The following NEK1 variants were observed in gnomAD, a reference collection of about 807,000 sequenced individuals.
NEK1 encodes the protein serine/threonine-protein kinase Nek1.
In NEK1, 137 loss-of-function variants were observed where a neutral mutation model predicts 182.1. The ratio of observed to expected loss-of-function variants is 0.75; its 90% CI spans 0.65 to 0.87. The LOEUF is 0.87. Among genes scored for constraint, NEK1 ranks in the 40% least tolerant of loss-of-function variants. NEK1 has a pLI of 0.00. For synonymous variants in NEK1, 513 were observed against 492.2 expected (o/e 1.04, Z -0.56); for missense variants, 1,391 against 1,494.4 (o/e 0.93, Z 1.14).
chr4:169,443,858 C>T (rs111429379), intron 27 of NEK1, among the ~76,000 whole-genome samples: 14 of 152,172 alleles, frequency 9.2e-5, no homozygotes, highest in East Asian at 3.9e-4. Flanking sequence ...TAGGAGAAAA[C>T]GGGATGATAT....
intron 23 of NEK1, among the ~76,000 whole-genome samples, chr4:169,499,280 G>A (rs577277788): frequency 5.9e-4 from 89 of 151,144 alleles, no homozygotes; most frequent in African/African-American, 2.1e-3. Context: ...CTCTACACTG[G>A]TTATTCTAGT....
At chr4:169,549,130 G>T (rs923071070) in intron 18 of NEK1, among the ~76,000 whole-genome samples, 2 of 152,222 alleles carry the variant, frequency 1.3e-5, no homozygotes, top group African/African-American at 4.8e-5. Flanking sequence ...TGGTCTGTGG[G>T]TTGTGAAGAC....
At chr4:169,440,963 G>C (rs1739334526) in intron 27 of NEK1, among the ~76,000 whole-genome samples, 1 of 152,128 alleles carries the variant, frequency 6.6e-6, no homozygotes, top group South Asian at 2.1e-4. Context: ...GGCTCAACAG[G>C]CCCTGAATCT....
At chr4:169,566,485 T>C (rs1763699246) in intron 12 of NEK1, among the ~76,000 whole-genome samples, 1 of 152,114 alleles carries the variant, frequency 6.6e-6, no homozygotes, top group Non-Finnish European at 1.5e-5. Context: ...TAACATAATA[T>C]ATTCAAGGAG....
At chr4:169,603,642 C>T (rs1402366620) in intron 2 of NEK1, among the ~76,000 whole-genome samples, 1 of 149,834 alleles carries the variant, frequency 6.7e-6, no homozygotes, top group East Asian at 1.9e-4. Flanking sequence ...AATGGTGTTT[C>T]GTTTTTATTT....
intron 18 of NEK1, among the ~76,000 whole-genome samples, chr4:169,546,094 C>T (rs931706377): frequency 2.0e-5 from 3 of 152,206 alleles, no homozygotes; most frequent in African/African-American, 4.8e-5. Flanking sequence ...AATTGTAGAT[C>T]TTTCCCGCTT....
chr4:169,400,654 A>C lies in NEK1; in HGVS notation c.3584-3T>G. The C allele has an allele frequency of 6.4e-7, 1 of 1,564,432 alleles. No individual in the cohort carries two copies. The highest frequency in any genetic ancestry group is 8.7e-7 in the Non-Finnish European group (1 of 1,154,068). On this transcript the variant is annotated splice_region_variant and splice_polypyrimidine_tract_variant and intron_variant, in intron 33 of 35. Coordinates refer to ENST00000507142, the MANE Select transcript of NEK1 (RefSeq NM_001199397.3). The stretch of plus-strand genomic sequence containing the variant: ...AGCAATTTCACCATCACTGTTATCT[A>C]AAAAACAAAATTAAAATAGAGATTT...
intron 16 of NEK1, 63 bp downstream of exon 16, chr4:169,561,417 A>C: frequency 7.2e-7 from 1 of 1,396,010 alleles, no homozygotes; most frequent in Non-Finnish European, 1.0e-6. Context: ...CATGCATTTT[A>C]TAGAACAAGG....
intron 31 of NEK1, among the ~76,000 whole-genome samples, chr4:169,417,277 A>C (rs1390191678): frequency 6.6e-6 from 1 of 152,260 alleles, no homozygotes; most frequent in Admixed American, 6.5e-5. Flanking sequence ...TTTTGAGGTC[A>C]GACAGAGAGG....
At chr4:169,413,549 A>G (rs1458167848) in intron 31 of NEK1, among the ~76,000 whole-genome samples, 2 of 152,208 alleles carry the variant, frequency 1.3e-5, no homozygotes, top group Non-Finnish European at 2.9e-5. Context: ...CAGTTATTTT[A>G]TGAATAAATA....
At chr4:169,504,786 A>G (rs2149681675) in intron 23 of NEK1, among the ~76,000 whole-genome samples, 1 of 152,314 alleles carries the variant, frequency 6.6e-6, no homozygotes, top group East Asian at 1.9e-4. Context: ...ATTAGATAAA[A>G]TGAATAAGAT....
At chr4:169,566,149 A>G (rs1292514707) in intron 12 of NEK1, among the ~76,000 whole-genome samples, 1 of 152,206 alleles carries the variant, frequency 6.6e-6, no homozygotes, top group Non-Finnish European at 1.5e-5. Context: ...TAAAAACATT[A>G]ATACAGCAAC....
In NEK1 at chr4:169,529,420, C is replaced by T. The variant is rs1174818410; in HGVS notation, c.1665+8389G>A. ...ATTTTATGTTATGTGTATTTTATTA[C>T]AATAAACGTCTTCTTCCTGGATCAT... On this transcript the variant is annotated intron_variant, in intron 19 of 35. Transcript: ENST00000507142. Among the ~76,000 whole-genome samples, 4 of 151,972 alleles carry T rather than the reference C, an allele frequency of 2.6e-5. No individual in the cohort carries two copies. The East Asian group carries it at 7.7e-4, about 29-fold the overall frequency.
At chr4:169,459,158 T>G (rs1743481479) in intron 27 of NEK1, among the ~76,000 whole-genome samples, 1 of 152,056 alleles carries the variant, frequency 6.6e-6, no homozygotes, top group African/African-American at 2.4e-5. Flanking sequence ...CAAAATATAC[T>G]AAGAATTCTT....
At chr4:169,394,594 T>C in intron 35 of NEK1, 71 bp from the exon 36 acceptor site, 1 of 903,894 alleles carries the variant, frequency 1.1e-6, no homozygotes, top group Non-Finnish European at 1.7e-6. Flanking sequence ...AACCCATTCT[T>C]GTTCATGCTA....
chr4:169,566,965 T>C (rs1243362802), intron 12 of NEK1, among the ~76,000 whole-genome samples: 2 of 151,942 alleles, frequency 1.3e-5, no homozygotes, highest in Non-Finnish European at 2.9e-5. Context: ...TGTGGTAGTA[T>C]GCACATGTAG....
rs77403641 is a variant in NEK1, at chr4:169,566,588, T to C, written c.1021-4392A>G. On this transcript the variant is annotated intron_variant, in intron 12 of 35. Coordinates refer to ENST00000507142, the MANE Select transcript of NEK1 (RefSeq NM_001199397.3). Reference sequence around the variant, plus strand: ...ACAGGAACTGGAGCAAAAAAAAGTCTCACAATACATGAATATTTTGTGGAC... The same window carrying C: ...ACAGGAACTGGAGCAAAAAAAAGTCCCACAATACATGAATATTTTGTGGAC... Among the ~76,000 whole-genome samples the C allele has an allele frequency of 4.6e-3, 707 of 152,288 alleles. 8 individuals carry two copies. Among genetic ancestry groups the C allele is most frequent in the Admixed American group, 7.2e-3 (110 of 15,286 alleles).
intron 16 of NEK1, among the ~76,000 whole-genome samples, chr4:169,557,101 A>C (rs754885889): frequency 6.6e-6 from 1 of 152,226 alleles, no homozygotes; most frequent in African/African-American, 2.4e-5. Context: ...AAGGTCAGTA[A>C]GTCAATATTA....
intron 27 of NEK1, among the ~76,000 whole-genome samples, chr4:169,454,513 G>A (rs1444083274): frequency 3.9e-5 from 6 of 152,132 alleles, no homozygotes; most frequent in Non-Finnish European, 7.3e-5. Context: ...AAAAGGTGGG[G>A]AAAAGGATAT....
Sources: gnomAD v4.1 joint callset for allele counts (sites outside exome capture counted in the v4.1 genomes callset) on GRCh38, gnomAD v4.1.1 for gene constraint, MANE v1.5 for transcripts, NCBI Gene and HGNC (gene_info 2026-07-23, HGNC 2026-07-21) for gene names.